Variants in MYEF2 observed in about 807,000 individuals in gnomAD.
MYEF2 encodes myelin gene expression factor 2.
A neutral mutation model predicts 75.2 loss-of-function variants in MYEF2; 37 were observed. That is an observed-to-expected ratio of 0.49 (90% confidence interval 0.38 to 0.65). MYEF2 has a LOEUF of 0.65. Ranked by LOEUF, MYEF2 falls within the 30% of genes least tolerant of loss-of-function variation. The pLI is 0.00. For missense variants in MYEF2, 634 were observed against 771.4 expected, an observed-to-expected ratio of 0.82 and a Z score of 2.11; for synonymous variants, 195 against 241.6, an observed-to-expected ratio of 0.81 and a Z score of 1.79.
chr15:48,150,805 C>T (rs529961878), intron 14 of MYEF2, among the ~76,000 whole-genome samples: 31 of 151,966 alleles, frequency 2.0e-4, no homozygotes, highest in Non-Finnish European at 4.0e-4. Context: ...AAAAGTTGCT[C>T]CTGAAACATG....
chr15:48,159,020 C>T (rs963830735), intron 6 of MYEF2, 98 bp from the exon 7 acceptor site: 4 of 1,030,850 alleles, frequency 3.9e-6, no homozygotes, highest in African/African-American at 1.6e-5. Flanking sequence ...CCATAAAGAA[C>T]CATAATTCTA....
chr15:48,140,544 T>C lies in MYEF2; in HGVS notation c.*2364A>G, dbSNP rs554958539. On this transcript the variant is annotated 3_prime_UTR_variant, in exon 17 of 17. Transcript: ENST00000324324. The stretch of plus-strand genomic sequence containing the variant: ...CAAATTTAACAGAAGTATTAATAAA[T>C]TGGGACCATATGTTAGACTCAAGTA... The C allele has an allele frequency of 4.6e-5, 7 of 152,292 alleles. No individual in the cohort carries two copies. Among genetic ancestry groups the C allele is most frequent in the African/African-American group, 1.7e-4 (7 of 41,546 alleles). The allele number at this position is 152,292 out of a possible 1,614,324, so 9.4% of individuals were successfully genotyped here.
intron 9 of MYEF2, 160 bp downstream of exon 9, chr15:48,157,833 C>T: frequency 7.2e-7 from 1 of 1,380,708 alleles, no homozygotes; most frequent in South Asian, 1.9e-5. Context: ...CTTATCTTCT[C>T]AGTCTTCCTA....
chr15:48,137,342 G>T lies in MYEF2; in HGVS notation c.*5566C>A. 5.9e-6 allele frequency: 1 copy of T among 169,210 alleles called. No homozygotes were observed. Among genetic ancestry groups the T allele is most frequent in the Non-Finnish European group, 1.3e-5 (1 of 79,526 alleles). 10.5% of individuals were successfully genotyped at this position (169,210 alleles called of 1,614,324 possible). On this transcript the variant is annotated 3_prime_UTR_variant, in exon 17 of 17. Transcript: ENST00000324324. ...ATGACCAATAAGTAGCAGCTACTGA[G>T]GTCTTCATTCCATAAATGATGCAGA...
At chr15:48,158,153 G>A in intron 8 of MYEF2, 22 bp downstream of exon 8, 2 of 1,612,658 alleles carry the variant, frequency 1.2e-6, no homozygotes, top group Non-Finnish European at 1.7e-6. Flanking sequence ...GTTGGAGGTT[G>A]AAGTGATATA....
At chr15:48,146,752 G>T (rs924122822) in intron 16 of MYEF2, among the ~76,000 whole-genome samples, 1 of 152,010 alleles carries the variant, frequency 6.6e-6, no homozygotes, top group African/African-American at 2.4e-5. Context: ...TACTGCCCAA[G>T]AGGCCATTAC....
intron 9 of MYEF2, among the ~76,000 whole-genome samples, chr15:48,154,353 A>G (rs748583439): frequency 1.4e-4 from 22 of 152,140 alleles, no homozygotes; most frequent in Non-Finnish European, 2.8e-4. Flanking sequence ...CAAATATTAT[A>G]TTACCTAGTT....
intron 12 of MYEF2, 145 bp downstream of exon 12, chr15:48,151,729 C>T: frequency 2.6e-6 from 3 of 1,147,546 alleles, no homozygotes; most frequent in South Asian, 1.4e-5. Flanking sequence ...ATATCATCCC[C>T]ATTCCCCAGG....
intron 16 of MYEF2, among the ~76,000 whole-genome samples, chr15:48,143,709 G>A (rs2039170402): frequency 6.6e-6 from 1 of 152,028 alleles, no homozygotes; most frequent in South Asian, 2.1e-4. Context: ...ATCAATAAAG[G>A]TAAAAACAGT....
At chr15:48,171,253 T>C (rs966787986) in intron 1 of MYEF2, among the ~76,000 whole-genome samples, 1 of 152,218 alleles carries the variant, frequency 6.6e-6, no homozygotes, top group Non-Finnish European at 1.5e-5. Flanking sequence ...TAAGACTCTA[T>C]TCAGTAAGCA....
At chr15:48,171,534 T>C (rs770156036) in intron 1 of MYEF2, among the ~76,000 whole-genome samples, 8 of 151,914 alleles carry the variant, frequency 5.3e-5, no homozygotes, top group Non-Finnish European at 1.0e-4. Flanking sequence ...AGAAGCATCT[T>C]AAAAATACTG....
Position 48,137,001 on chromosome 15 carries a change from C to T in MYEF2, c.*5907G>A, listed in dbSNP as rs760826119. ...TCTTGCCCATTATTAAGTCTATTCG[C>T]AAAGGAAAAACTTTAAAATTTCATT... On this transcript the variant is annotated 3_prime_UTR_variant, in exon 17 of 17. Coordinates refer to ENST00000324324, the MANE Select transcript of MYEF2 (RefSeq NM_016132.5). 2 of 1,552,922 alleles carry T rather than the reference C, an allele frequency of 1.3e-6. No homozygotes were observed. Among genetic ancestry groups the T allele is most frequent in the South Asian group, 1.2e-5 (1 of 80,632 alleles).
At chr15:48,172,398 A>G (rs1243691273) in intron 1 of MYEF2, among the ~76,000 whole-genome samples, 1 of 148,796 alleles carries the variant, frequency 6.7e-6, no homozygotes, top group African/African-American at 2.5e-5. Context: ...AAGACTCTGT[A>G]TCAAAAAAAA....
chr15:48,165,973 T>C lies in MYEF2; in HGVS notation c.485A>G (p.Asn162Ser), dbSNP rs2040118227. 6.3e-7 allele frequency: 1 copy of C among 1,595,096 alleles called. No homozygotes were observed. Among genetic ancestry groups the C allele is most frequent in the African/African-American group, 1.3e-5 (1 of 74,254 alleles). Reference sequence around the variant, plus strand: ...GGGTCTTCCACTAAGATCATATTTGTTCATAGTTTCTAGGGCTTTCTTTAC... The same window carrying C: ...GGGTCTTCCACTAAGATCATATTTGCTCATAGTTTCTAGGGCTTTCTTTAC... Reference protein sequence around the residue: ...EFVKKALETMNKYDLSGRPLN... With the variant: ...EFVKKALETMSKYDLSGRPLN... The change falls in exon 5 of 17, where the codon AAC (asparagine) becomes AGC (serine). Residue 162 changes from asparagine to serine, a missense_variant. By Grantham distance (46) the Asn-to-Ser change is conservative. Transcript: ENST00000324324.
intron 1 of MYEF2, chr15:48,170,058 C>G (rs1473566128): frequency 6.6e-6 from 1 of 152,128 alleles, no homozygotes; most frequent in East Asian, 1.9e-4. Context: ...ATGCAATTTA[C>G]TTTTCAAAAC....
intron 9 of MYEF2, chr15:48,157,521 A>G (rs1329809156): frequency 1.3e-5 from 2 of 158,830 alleles, no homozygotes; most frequent in Non-Finnish European, 1.4e-5. Flanking sequence ...GAACATCTAT[A>G]TGATAGACTA....
At chr15:48,154,715 G>C (rs1267981415) in intron 9 of MYEF2, among the ~76,000 whole-genome samples, 1 of 152,064 alleles carries the variant, frequency 6.6e-6, no homozygotes, top group African/African-American at 2.4e-5. Context: ...ACTAATAAAA[G>C]ATCCTCACTT....
chr15:48,151,257 C>T (rs962091246), intron 13 of MYEF2, 86 bp from the exon 14 acceptor site: 1 of 1,222,476 alleles, frequency 8.2e-7, no homozygotes, highest in Admixed American at 2.2e-5. Context: ...CTCTGATTTA[C>T]AATAAATGAA....
In MYEF2 at chr15:48,139,144, A is replaced by G. The variant is rs749720442; in HGVS notation, c.*3764T>C. On this transcript the variant is annotated 3_prime_UTR_variant, in exon 17 of 17. Transcript: ENST00000324324. The stretch of plus-strand genomic sequence containing the variant: ...CTGCAATATGGATATCCGCATTTAC[A>G]TATATCCTGGTTTGGATGGTCACAA... The G allele has an allele frequency of 6.2e-7, 1 of 1,612,720 alleles. No homozygotes were observed. Among genetic ancestry groups the G allele is most frequent in the Non-Finnish European group, 8.5e-7 (1 of 1,179,214 alleles).
Sources: gnomAD v4.1 joint callset for allele counts (sites outside exome capture counted in the v4.1 genomes callset) on GRCh38, gnomAD v4.1.1 for gene constraint, MANE v1.5 for transcripts, NCBI Gene and HGNC (gene_info 2026-07-23, HGNC 2026-07-21) for gene names.